The following TLN1 variants were observed in gnomAD, a reference collection of about 807,000 sequenced individuals.
TLN1 encodes the protein talin 1.
Under a neutral mutation model 292.3 loss-of-function variants are expected in TLN1, and 56 were observed. The observed-to-expected ratio is 0.19, with a 90% confidence interval of 0.15 to 0.24. The LOEUF is 0.24. TLN1 is among the 10% of genes least tolerant of loss of function. The pLI is 1.00. For missense variants in TLN1, 2,433 were observed against 3,248.2 expected (o/e 0.75, Z 6.10); for synonymous variants, 1,119 against 1,253.7 (o/e 0.89, Z 2.27).
chr9:35,720,305 A>T, intron 12 of TLN1, 86 bp from the exon 13 acceptor site: 1 of 1,530,924 alleles, frequency 6.5e-7, no homozygotes, highest in Non-Finnish European at 8.9e-7. Context: ...CAGGTGTGTG[A>T]GGTCTCACTA....
Position 35,706,320 on chromosome 9 carries a change from A to G in TLN1, c.5237T>C (p.Val1746Ala). Residue 1746 changes from valine to alanine, a missense_variant, in exon 40 of 57, where the codon GTG (valine) becomes GCG (alanine). Val to Ala is a moderately conservative substitution (Grantham distance 64, BLOSUM62 0). Transcript: ENST00000314888. The surrounding 1 kb of genome is among the most constrained non-coding windows in gnomAD (Gnocchi z 4.2). Reference sequence around the variant, plus strand: ...GCTCAGGGTCTTGGAGGCAGCACCCACTGCAGCCAGGGTGAGCGGCTCAAA... The same window carrying G: ...GCTCAGGGTCTTGGAGGCAGCACCCGCTGCAGCCAGGGTGAGCGGCTCAAA... ...QYFEPLTLAA[V>A]GAASKTLSHP... The G allele has an allele frequency of 3.7e-6, 6 of 1,613,192 alleles. No individual in the cohort carries two copies. In the African/African-American group the frequency reaches 6.7e-5, roughly 18 times the overall value.
In TLN1 at chr9:35,707,445, C is replaced by T. The variant is rs758191289; in HGVS notation, c.4676G>A (p.Arg1559Gln). 9.9e-6 allele frequency: 16 copies of T among 1,614,012 alleles called. No homozygotes were observed. The highest frequency in any genetic ancestry group is 2.7e-5 in the African/African-American group (2 of 74,910). The change falls in exon 36 of 57, where the codon CGA becomes CAA. Residue 1559 changes from arginine to glutamine, a missense_variant. By Grantham distance (43) the Arg-to-Gln change is conservative. This residue lies in a region of TLN1 where 1,384 missense variants were observed against 1,699.6 expected (regional missense o/e 0.81). Coordinates refer to ENST00000314888, the MANE Select transcript of TLN1 (RefSeq NM_006289.4). This position sits in a 1 kb window ranked among gnomAD's most constrained non-coding sequence, Gnocchi z 5.6. ...CTCCAGCAGAGGGGCTGTTGCTGCT[C>T]GGCACTGGGCACGGTTCTCCTCTGT... ...AFTEENRAQC[R>Q]AATAPLLEAV...
rs1434115836 is a variant in TLN1 at position 35,706,231 on chromosome 9, G to A, written c.5326C>T (p.Leu1776=). The A allele has an allele frequency of 2.5e-6, 4 of 1,611,150 alleles. No homozygotes were observed. In the Admixed American group the frequency reaches 6.7e-5, roughly 27 times the overall value. Residue 1776 remains leucine (L), a synonymous_variant, in exon 40 of 57, where the codon CTA becomes TTA. Transcript: ENST00000314888. The surrounding 1 kb of genome is among the most constrained non-coding windows in gnomAD (Gnocchi z 4.2). The stretch of plus-strand genomic sequence containing the variant: ...CCACCAGCCTCCTTGGCAGTGTATA[G>A]CAACTGCAGGGCAGACTCTGCCAAT... The part of the protein sequence containing the change: ...KTLAESALQL[L]YTAKEAGGNP...
At position 35,725,927 on chromosome 9, in the gene TLN1, T is replaced by C. The variant is rs144410151; in HGVS notation, c.-33-200A>G. The stretch of plus-strand genomic sequence containing the variant: ...AAGAATGAGTCCTGACAATTTTTTT[T>C]TTTGAGACAGAGTTTCGTTCTGTTG... On this transcript the variant is annotated intron_variant, in intron 1 of 56. Coordinates refer to ENST00000314888, the MANE Select transcript of TLN1 (RefSeq NM_006289.4). 2.5e-3 allele frequency among the ~76,000 whole-genome samples: 380 copies of C among 152,306 alleles called. 2 individuals are homozygous for C. Among genetic ancestry groups the C allele is most frequent in the African/African-American group, 8.6e-3 (359 of 41,560 alleles).
chr9:35,723,865 G>C, intron 7 of TLN1, 87 bp downstream of exon 7: 1 of 1,564,738 alleles, frequency 6.4e-7, no homozygotes, highest in South Asian at 1.2e-5. Flanking sequence ...ATAGTGGGGG[G>C]CAGGCTTGGA....
chr9:35,718,520 G>A (rs1429257320), intron 17 of TLN1, among the ~76,000 whole-genome samples: 1 of 152,024 alleles, frequency 6.6e-6, no homozygotes, highest in African/African-American at 2.4e-5. Flanking sequence ...CATTGTGGGG[G>A]GTCCTCAAAT....
intron 43 of TLN1, 134 bp downstream of exon 43, chr9:35,705,417 G>C (rs1825546714): frequency 1.1e-6 from 1 of 890,726 alleles, no homozygotes; most frequent in Non-Finnish European, 1.7e-6. Context: ...AGCCTCACTA[G>C]TCTTCAGCAG....
chr9:35,699,754 G>C lies in TLN1; in HGVS notation c.6768+220C>G. 22 of 923,630 alleles carry C rather than the reference G, an allele frequency of 2.4e-5. No homozygotes were observed. The highest frequency in any genetic ancestry group is 2.8e-5 in the Non-Finnish European group (22 of 773,672). 57.2% of individuals were successfully genotyped at this position (923,630 alleles called of 1,614,324 possible). A position where few individuals can be genotyped will look rare whatever the true frequency, so the allele number is the denominator to read the frequency against. On this transcript the variant is annotated intron_variant, in intron 50 of 56. Transcript: ENST00000314888. This position sits in a 1 kb window ranked among gnomAD's most constrained non-coding sequence, Gnocchi z 4.0. ...GGTCAGGTGGGAAGGGAGGAGAAAA[G>C]AAAAAGAGGAAGAGGAAGAGGTGAC... is the stretch of plus-strand genomic sequence containing the variant.
chr9:35,724,395 T>G lies in TLN1; in HGVS notation c.512-61A>C. 1 of 1,602,766 alleles carries G rather than the reference T, an allele frequency of 6.2e-7. No homozygotes were observed. Among genetic ancestry groups the G allele is most frequent in the South Asian group, 1.1e-5 (1 of 90,752 alleles). ...CATGGCCCCTGTGCTGTCTGGTCTC[T>G]GTTTATTTCTGCATTTCCTACCTCC... On this transcript the variant is annotated intron_variant, in intron 5 of 56. Transcript: ENST00000314888. This position sits in a 1 kb window ranked among gnomAD's most constrained non-coding sequence, Gnocchi z 4.7.
intron 48 of TLN1, among the ~76,000 whole-genome samples, chr9:35,703,166 A>G (rs1825496132): frequency 6.6e-6 from 1 of 152,128 alleles, no homozygotes; most frequent in Admixed American, 6.5e-5. Context: ...CCAGCATGGT[A>G]TGCACCTGTA....
intron 27 of TLN1, 38 bp from the exon 28 acceptor site, chr9:35,712,162 A>G: frequency 6.3e-7 from 1 of 1,593,370 alleles, no homozygotes; most frequent in East Asian, 2.3e-5. Context: ...CCAAGTGAAA[A>G]GAATTTGAGA....
Position 35,714,427 on chromosome 9 carries a change from G to A in TLN1, c.2986-54C>T. On this transcript the variant is annotated intron_variant, in intron 23 of 56. Transcript: ENST00000314888. The surrounding 1 kb of genome is among the most constrained non-coding windows in gnomAD (Gnocchi z 4.6). ...TGTGCCATCCTCCCTCTGGGCTTGGGTACAAGGACTGATGATGGTCAGGAT... is the reference window on the plus strand; with the variant it reads ...TGTGCCATCCTCCCTCTGGGCTTGGATACAAGGACTGATGATGGTCAGGAT... 3 of 1,579,918 alleles carry A rather than the reference G, an allele frequency of 1.9e-6. No individual in the cohort carries two copies. The East Asian group carries it at 6.7e-5, about 36-fold the overall frequency.
intron 1 of TLN1, among the ~76,000 whole-genome samples, chr9:35,726,077 T>C (rs562883127): frequency 6.6e-6 from 1 of 152,232 alleles, no homozygotes; most frequent in African/African-American, 2.4e-5. Context: ...CATGCCTGGC[T>C]AATTTTTTGT....
chr9:35,711,844 G>T, intron 28 of TLN1, 52 bp from the exon 29 acceptor site: 1 of 1,610,448 alleles, frequency 6.2e-7, no homozygotes, highest in African/African-American at 1.3e-5. Context: ...GATGCAGGGA[G>T]AAGTCTGGTA....
chr9:35,701,434 C>T (rs1201393636), intron 48 of TLN1, among the ~76,000 whole-genome samples: 1 of 152,120 alleles, frequency 6.6e-6, no homozygotes, highest in East Asian at 1.9e-4. Context: ...GCCACCTTGC[C>T]CAGCTAATCT....
intron 7 of TLN1, chr9:35,723,693 T>G (rs2131907132): frequency 2.2e-6 from 1 of 446,552 alleles, no homozygotes; most frequent in Non-Finnish European, 3.9e-6. Flanking sequence ...AGCAAAATTC[T>G]TCAGATAATC....
chr9:35,700,326 G>A lies in TLN1; in HGVS notation c.6525C>T (p.Phe2175=). ...TGGTGATACCCTTGGTCATTCGGAT[G>A]AAGTCTTCTGGGGTAGAGGTCTTGG... ...PPAKTSTPED[F]IRMTKGITMA... is the part of the protein sequence containing the mutation. The change falls in exon 49 of 57, where the codon TTC becomes TTT. Residue 2175 remains phenylalanine (F), a synonymous_variant. Transcript: ENST00000314888. 1.9e-6 allele frequency: 3 copies of A among 1,611,722 alleles called. No homozygotes were observed. The highest frequency in any genetic ancestry group is 1.7e-6 in the Non-Finnish European group (2 of 1,177,964).
In TLN1 at chr9:35,706,437, T is replaced by G; in HGVS notation, c.5190+13A>C. 6.2e-7 allele frequency: 1 copy of G among 1,613,974 alleles called. No homozygotes were observed. The highest frequency in any genetic ancestry group is 1.3e-5 in the African/African-American group (1 of 74,962). On this transcript the variant is annotated intron_variant, in intron 39 of 56. Transcript: ENST00000314888. This position sits in a 1 kb window ranked among gnomAD's most constrained non-coding sequence, Gnocchi z 4.2. ...CCTACTCCCTGGGACTTCCCATGAG[T>G]CTCCATAGGTACCTTGTGTCCCAGC...
Position 35,705,612 on chromosome 9 carries a change from C to G in TLN1, c.5672G>C (p.Ser1891Thr). The stretch of plus-strand genomic sequence containing the variant: ...CTCCGAGGCCAGACGGCCATAGTCA[C>G]TGGTCAGCTGGTTAGCAAGAGGGCC... ...ELGPLANQLT[S>T]DYGRLASEAK... is the part of the protein sequence containing the mutation. The change falls in exon 43 of 57, where the codon AGT becomes ACT. Residue 1891 changes from serine to threonine, a missense_variant. Ser to Thr is a moderately conservative substitution (Grantham distance 58). Around this residue, in one of 7 missense-constraint regions of TLN1, gnomAD observed 1,384 missense variants for 1,699.6 expected, o/e 0.81. Transcript: ENST00000314888. 1 of 1,608,098 alleles carries G rather than the reference C, an allele frequency of 6.2e-7. No individual in the cohort carries two copies. The highest frequency in any genetic ancestry group is 1.1e-5 in the South Asian group (1 of 90,928).
Sources: allele counts gnomAD v4.1 joint callset (sites outside exome capture counted in the v4.1 genomes callset), GRCh38; gene constraint gnomAD v4.1.1; regional missense constraint gnomAD v4.1.1; non-coding constraint Gnocchi (gnomAD v3.1); transcripts MANE v1.5; gene names NCBI Gene and HGNC (gene_info 2026-07-23, HGNC 2026-07-21).